RNF157: variants seen among roughly 807,000 people sequenced by gnomAD.
RNF157 encodes E3 ubiquitin ligase RNF157.
A neutral mutation model predicts 88.3 loss-of-function variants in RNF157; 55 were observed. The observed-to-expected ratio is 0.62, with a 90% CI of 0.50 to 0.78. RNF157 has a LOEUF of 0.78. Among genes scored for constraint, RNF157 ranks in the 30% least tolerant of loss-of-function variants. The pLI, the probability that RNF157 is intolerant of heterozygous loss-of-function variation, is 0.00. For synonymous variants in RNF157, 334 were observed against 341.2 expected, an observed-to-expected ratio of 0.98 and a Z score of 0.23; for missense variants, 788 against 860.8, an observed-to-expected ratio of 0.92 and a Z score of 1.06.
chr17:76,213,730 T>G (rs1824427462), intron 1 of RNF157, among the ~76,000 whole-genome samples: 1 of 152,108 alleles, frequency 6.6e-6, no homozygotes, highest in Admixed American at 6.6e-5. Context: ...GTGGGGACTT[T>G]CAGCCCATCC....
chr17:76,155,133 C>G (rs546516203), intron 16 of RNF157, 119 bp downstream of exon 16: 2 of 811,088 alleles, frequency 2.5e-6, no homozygotes, highest in South Asian at 3.0e-5. Context: ...CTAGGCATGT[C>G]CCCTAGGAAG....
At chr17:76,222,289 T>C (rs1165888874) in intron 1 of RNF157, among the ~76,000 whole-genome samples, 1 of 149,546 alleles carries the variant, frequency 6.7e-6, no homozygotes, top group Non-Finnish European at 1.5e-5. Context: ...GAAGTTGCAG[T>C]GAGCTGAGGA....
chr17:76,156,884 C>G (rs184746428), intron 13 of RNF157, among the ~76,000 whole-genome samples: 1 of 152,146 alleles, frequency 6.6e-6, no homozygotes, highest in Non-Finnish European at 1.5e-5. Flanking sequence ...CAAAGTTCTA[C>G]GAACTGTATC....
chr17:76,216,749 G>A (rs2069895950), intron 1 of RNF157, among the ~76,000 whole-genome samples: 1 of 151,728 alleles, frequency 6.6e-6, no homozygotes. Context: ...AAATTAGCTG[G>A]GTATGATGGC....
At chr17:76,147,437 G>GTGGT in intron 18 of RNF157, 1 of 609,088 alleles carries the variant, frequency 1.6e-6, no homozygotes, top group Non-Finnish European at 2.1e-6. Context: ...TGGAATGCTG[G>GTGGT]GCCGGAGAGG....
At chr17:76,152,921 C>A (rs948785606) in intron 17 of RNF157, among the ~76,000 whole-genome samples, 2 of 152,206 alleles carry the variant, frequency 1.3e-5, no homozygotes, top group African/African-American at 4.8e-5. Context: ...CATGAAACAA[C>A]AACTAAAGGT....
Position 76,195,679 on chromosome 17 carries a change from A to G in RNF157, c.207+16685T>C, listed in dbSNP as rs2144961387. 6.6e-6 allele frequency among the ~76,000 whole-genome samples: 1 copy of G among 152,346 alleles called. No homozygotes were observed. Among genetic ancestry groups the G allele is most frequent in the Non-Finnish European group, 1.5e-5 (1 of 68,038 alleles). ...TGGTGTATTCACACAATGAAATACT[A>G]TGCAGCAATGGAAATGAACCGTACA... On this transcript the variant is annotated intron_variant, in intron 2 of 18. Coordinates refer to ENST00000269391, the MANE Select transcript of RNF157 (RefSeq NM_052916.3). This position sits in a 1 kb window ranked among gnomAD's most constrained non-coding sequence, Gnocchi z 4.4.
At chr17:76,163,647 C>A (rs1457651499) in intron 8 of RNF157, 1 of 152,280 alleles carries the variant, frequency 6.6e-6, no homozygotes, top group East Asian at 1.9e-4. Flanking sequence ...TCCCCTAAGA[C>A]ATAGCCTGTC....
chr17:76,189,695 T>C (rs758330715), intron 2 of RNF157, among the ~76,000 whole-genome samples: 3 of 152,106 alleles, frequency 2.0e-5, no homozygotes, highest in Non-Finnish European at 4.4e-5. Context: ...TCCATCCCCA[T>C]GGCTGAGGAA....
At chr17:76,217,587 C>T (rs1355727995) in intron 1 of RNF157, among the ~76,000 whole-genome samples, 1 of 152,020 alleles carries the variant, frequency 6.6e-6, no homozygotes, top group Non-Finnish European at 1.5e-5. Context: ...GACTTTTAGA[C>T]AGCTTATGCA....
At chr17:76,153,681 CT>C (rs2068716721) in intron 17 of RNF157, 1 of 152,668 alleles carries the variant, frequency 6.6e-6, no homozygotes. Flanking sequence ...GAAGATGTAA[CT>C]GAGGCCTGAA....
At chr17:76,203,670 T>C (rs1190522521) in intron 2 of RNF157, among the ~76,000 whole-genome samples, 1 of 151,904 alleles carries the variant, frequency 6.6e-6, no homozygotes, top group Non-Finnish European at 1.5e-5. Context: ...CAGGCTGGTC[T>C]TAAACTCCTG....
chr17:76,178,524 G>A (rs984293309), intron 2 of RNF157, among the ~76,000 whole-genome samples: 1 of 152,254 alleles, frequency 6.6e-6, no homozygotes, highest in Admixed American at 6.5e-5. Context: ...TGTGAGCTGA[G>A]TGCAGCCTGT....
chr17:76,144,102 C>G lies in RNF157; in HGVS notation c.*1133G>C, dbSNP rs1195386696. 6.6e-6 allele frequency: 1 copy of G among 152,228 alleles called. No individual in the cohort carries two copies. Among genetic ancestry groups the G allele is most frequent in the African/African-American group, 2.4e-5 (1 of 41,438 alleles). The allele number at this position is 152,228 out of a possible 1,614,324, so 9.4% of individuals were successfully genotyped here. A position where few individuals can be genotyped will look rare whatever the true frequency, so the allele number is the denominator to read the frequency against. The stretch of plus-strand genomic sequence containing the variant: ...CAAAAGGGGGTAGAGATGGGGGCAA[C>G]AGGGACAAGAATGCCACCTCCCAAT... On this transcript the variant is annotated 3_prime_UTR_variant, in exon 19 of 19. Transcript: ENST00000269391.
intron 17 of RNF157, 80 bp downstream of exon 17, chr17:76,154,203 G>A (rs2068725942): frequency 9.7e-7 from 1 of 1,026,330 alleles, no homozygotes; most frequent in Non-Finnish European, 1.5e-6. Context: ...CGTCATACCG[G>A]TACCCTTTTC....
At chr17:76,181,995 C>T (rs2069196835) in intron 2 of RNF157, among the ~76,000 whole-genome samples, 1 of 151,978 alleles carries the variant, frequency 6.6e-6, no homozygotes, top group Admixed American at 6.6e-5. Flanking sequence ...TCACTATATC[C>T]TGAGTACTGA....
At chr17:76,193,272 A>G (rs1270891434) in intron 2 of RNF157, among the ~76,000 whole-genome samples, 1 of 152,258 alleles carries the variant, frequency 6.6e-6, no homozygotes, top group East Asian at 1.9e-4. Context: ...AGTGCTATAA[A>G]AATATATGTT....
chr17:76,145,010 A>G lies in RNF157; in HGVS notation c.*225T>C, dbSNP rs1026351603. On this transcript the variant is annotated 3_prime_UTR_variant, in exon 19 of 19. Coordinates refer to ENST00000269391, the MANE Select transcript of RNF157 (RefSeq NM_052916.3). ...GTGAGGACATTCCAGAGTCCCTGCA[A>G]AAGGTCTCGTGAGCTGCAGTTCATT... The G allele has an allele frequency of 1.4e-5, 7 of 501,140 alleles. No individual in the cohort carries two copies. Among genetic ancestry groups the G allele is most frequent in the African/African-American group, 7.7e-5 (4 of 51,618 alleles). The allele number at this position is 501,140 out of a possible 1,614,324, so 31.0% of individuals were successfully genotyped here.
chr17:76,211,544 AG>A (rs148410048), intron 2 of RNF157, among the ~76,000 whole-genome samples: 2 of 152,368 alleles, frequency 1.3e-5, no homozygotes, highest in East Asian at 3.9e-4. Context: ...AGGCAAACCT[AG>A]TTACATGACT....
Sources: gnomAD v4.1 joint callset for allele counts (sites outside exome capture counted in the v4.1 genomes callset) on GRCh38, gnomAD v4.1.1 for gene constraint, Gnocchi (gnomAD v3.1) non-coding constraint, MANE v1.5 for transcripts, NCBI Gene and HGNC (gene_info 2026-07-23, HGNC 2026-07-21) for gene names.